The following RNLS variants were observed in gnomAD, a reference collection of about 807,000 sequenced individuals.
RNLS encodes renalase.
Under a neutral mutation model 39.8 loss-of-function variants are expected in RNLS, and 39 were observed. The observed-to-expected ratio is 0.98, with a 90% confidence interval of 0.76 to 1.28. The LOEUF (loss-of-function observed/expected upper bound fraction) is 1.28. Ranked by LOEUF, RNLS falls within the 50% of genes most tolerant of loss-of-function variation. The pLI is 0.00. For synonymous variants in RNLS, 147 were observed against 150.7 expected, an observed-to-expected ratio of 0.98 and a Z score of 0.18; for missense variants, 410 against 413.3, an observed-to-expected ratio of 0.99 and a Z score of 0.07.
chr10:88,582,957 A>C, intron 1 of RNLS, 116 bp downstream of exon 1: 1 of 1,207,868 alleles, frequency 8.3e-7, no homozygotes, highest in Non-Finnish European at 1.1e-6. Context: ...ACGGCCGCTC[A>C]GGGAGCTGAG....
rs374360845 is a variant in RNLS, at chr10:88,581,280, ATG to A, written c.367+285_367+286del. On this transcript the variant is annotated intron_variant, in intron 3 of 6. Transcript: ENST00000331772. ...AATAAATATAAAGAAATATATATGT[ATG>A]TGTGTGTGTGTGTATATATATATAT... Among the ~76,000 whole-genome samples, 913 of 142,494 alleles carry A rather than the reference ATG, an allele frequency of 6.4e-3. 10 individuals carry two copies. Among genetic ancestry groups the A allele is most frequent in the East Asian group, 0.01 (51 of 5,032 alleles). 93.5% of individuals were successfully genotyped at this position (142,494 alleles called of 152,430 possible).
intron 4 of RNLS, among the ~76,000 whole-genome samples, chr10:88,554,370 G>T (rs1848747861): frequency 6.6e-6 from 1 of 152,074 alleles, no homozygotes; most frequent in African/African-American, 2.4e-5. Context: ...TTTAAAGTAT[G>T]TAATGTGCTT....
the RNLS span, among the ~76,000 whole-genome samples, chr10:88,211,892 G>A: frequency 6.6e-6 from 1 of 152,166 alleles, no homozygotes; most frequent in African/African-American, 2.4e-5. Context: ...AGAAGAGACT[G>A]GAAATCCAGT....
At chr10:88,239,675 A>C in the RNLS span, among the ~76,000 whole-genome samples, 5 of 152,198 alleles carry the variant, frequency 3.3e-5, no homozygotes, top group Non-Finnish European at 7.3e-5. Flanking sequence ...TTTCTTTCCC[A>C]GGCTGGGTGG....
intron 4 of RNLS, among the ~76,000 whole-genome samples, chr10:88,445,821 T>G (rs1461990503): frequency 3.3e-5 from 5 of 152,166 alleles, no homozygotes. Context: ...AAGCAAGTCC[T>G]TAGAGACCTA....
intron 4 of RNLS, among the ~76,000 whole-genome samples, chr10:88,534,002 C>T (rs886710132): frequency 2.6e-5 from 4 of 151,926 alleles, no homozygotes; most frequent in Non-Finnish European, 5.9e-5. Flanking sequence ...GAAGAAATAA[C>T]TAACAAAGAA....
chr10:88,582,837 C>T (rs1850690911), intron 1 of RNLS, among the ~76,000 whole-genome samples: 1 of 152,222 alleles, frequency 6.6e-6, no homozygotes, highest in Admixed American at 6.5e-5. Flanking sequence ...GTACTCCTGC[C>T]GGGCCCCCAC....
At position 88,285,123 on chromosome 10, in the gene RNLS, T is replaced by A; in HGVS notation, c.*231A>T. ...CTTTTCCTCCAACAAGGAGTAGTCA[T>A]AGCAATTCAGAAAAGTAGGGAAGGT... On this transcript the variant is annotated 3_prime_UTR_variant, in exon 7 of 7. Coordinates refer to ENST00000331772, the MANE Select transcript of RNLS (RefSeq NM_001031709.3). 1.9e-6 allele frequency: 2 copies of A among 1,038,784 alleles called. No individual in the cohort carries two copies. Among genetic ancestry groups the A allele is most frequent in the Non-Finnish European group, 2.3e-6 (2 of 860,968 alleles). 64.3% of individuals were successfully genotyped at this position (1,038,784 alleles called of 1,614,324 possible).
intron 4 of RNLS, among the ~76,000 whole-genome samples, chr10:88,398,329 G>C (rs1852694836): frequency 6.6e-6 from 1 of 152,016 alleles, no homozygotes; most frequent in African/African-American, 2.4e-5. Context: ...AGTGGGCTTT[G>C]GAGCATAGGG....
chr10:88,343,667 GC>G, intron 5 of RNLS: 1 of 985,248 alleles, frequency 1.0e-6, no homozygotes. Context: ...CAAAGAAAAG[GC>G]CACATTTAGT....
rs114210430 is a variant in RNLS, at chr10:88,431,463, C to T, written c.527-68738G>A. On this transcript the variant is annotated intron_variant, in intron 4 of 6. Coordinates refer to ENST00000331772, the MANE Select transcript of RNLS (RefSeq NM_001031709.3). The stretch of plus-strand genomic sequence containing the variant: ...TGTTTTTCTATTGTTTTTCTGTTTC[C>T]TATTTCATTAATTTCCACTTTAAGC... Among the ~76,000 whole-genome samples, 240 of 151,670 alleles carry T rather than the reference C, an allele frequency of 1.6e-3. 3 individuals are homozygous for T. Among genetic ancestry groups the T allele is most frequent in the African/African-American group, 5.6e-3 (233 of 41,492 alleles).
chr10:88,345,604 G>A lies in RNLS; in HGVS notation c.700+16948C>T, dbSNP rs143319991. On this transcript the variant is annotated intron_variant, in intron 5 of 6. Coordinates refer to ENST00000331772, the MANE Select transcript of RNLS (RefSeq NM_001031709.3). ...ATGGACCAAAACCATAAAATAATTTGTATGTGACAACAATTATAAAGTTGG... is the reference window on the plus strand; with the variant it reads ...ATGGACCAAAACCATAAAATAATTTATATGTGACAACAATTATAAAGTTGG... Among the ~76,000 whole-genome samples, 67 of 152,186 alleles carry A rather than the reference G, an allele frequency of 4.4e-4. No individual in the cohort carries two copies. The East Asian group carries it at 0.011, about 24-fold the overall frequency.
intron 4 of RNLS, among the ~76,000 whole-genome samples, chr10:88,482,890 G>A (rs968229435): frequency 2.6e-5 from 4 of 151,890 alleles, no homozygotes; most frequent in Admixed American, 6.6e-5. Flanking sequence ...GGGTGTAGCC[G>A]CTGATATCCC....
At chr10:88,350,867 A>G (rs575372765) in intron 5 of RNLS, among the ~76,000 whole-genome samples, 1 of 152,164 alleles carries the variant, frequency 6.6e-6, no homozygotes, top group Non-Finnish European at 1.5e-5. Flanking sequence ...AAGTGTTCCT[A>G]TTTCTCCACA....
At chr10:88,456,592 G>A (rs971664855) in intron 4 of RNLS, among the ~76,000 whole-genome samples, 4 of 152,108 alleles carry the variant, frequency 2.6e-5, no homozygotes, top group Admixed American at 2.6e-4. Context: ...CACAGGTAGG[G>A]CCGCCCACTA....
At chr10:88,510,926 T>C (rs980380154) in intron 4 of RNLS, among the ~76,000 whole-genome samples, 1 of 150,696 alleles carries the variant, frequency 6.6e-6, no homozygotes, top group African/African-American at 2.4e-5. Flanking sequence ...TTAATTAGTA[T>C]TACCTTTTTT....
chr10:88,535,851 C>A (rs1160756181), intron 4 of RNLS, among the ~76,000 whole-genome samples: 7 of 152,070 alleles, frequency 4.6e-5, no homozygotes, highest in Admixed American at 3.9e-4. Flanking sequence ...TCAGATGAAC[C>A]TTTTCTTAGA....
At chr10:88,331,938 G>C (rs1227476147) in intron 5 of RNLS, among the ~76,000 whole-genome samples, 4 of 152,124 alleles carry the variant, frequency 2.6e-5, no homozygotes, top group Non-Finnish European at 4.4e-5. Context: ...GAGAAAGATG[G>C]GAAAGGGAGG....
At chr10:88,536,525 G>A (rs918298066) in intron 4 of RNLS, among the ~76,000 whole-genome samples, 2 of 152,040 alleles carry the variant, frequency 1.3e-5, no homozygotes, top group Admixed American at 6.6e-5. Flanking sequence ...ATCTTATAAT[G>A]TTCTACAAGA....
Sources: gnomAD v4.1 joint callset for allele counts (sites outside exome capture counted in the v4.1 genomes callset) on GRCh38, gnomAD v4.1.1 for gene constraint, MANE v1.5 for transcripts, NCBI Gene and HGNC (gene_info 2026-07-23, HGNC 2026-07-21) for gene names.